MYT1L: variants seen among roughly 807,000 people sequenced by gnomAD.
MYT1L encodes myelin transcription factor 1 like, also known as myelin transcription factor 1-like protein.
Under a neutral mutation model 126.7 loss-of-function variants are expected in MYT1L, and 12 were observed. The ratio of observed to expected loss-of-function variants is 0.09; its 90% CI spans 0.06 to 0.15. The LOEUF is 0.15. Ranked by LOEUF, MYT1L falls within the 10% of genes least tolerant of loss-of-function variation. The pLI is 1.00. For synonymous variants in MYT1L, 541 were observed against 604.2 expected, an observed-to-expected ratio of 0.90 and a Z score of 1.53; for missense variants, 979 against 1,585.2, an observed-to-expected ratio of 0.62 and a Z score of 6.49.
chr2:2,131,775 T>C (rs1283207674), intron 3 of MYT1L, among the ~76,000 whole-genome samples: 1 of 152,006 alleles, frequency 6.6e-6, no homozygotes, highest in Non-Finnish European at 1.5e-5. Context: ...GGAACTCGGT[T>C]TTCCCAAGTG....
chr2:2,103,004 G>C (rs2078286831), intron 3 of MYT1L, among the ~76,000 whole-genome samples: 1 of 152,008 alleles, frequency 6.6e-6, no homozygotes. Context: ...AGGAGACACA[G>C]CATGCGTGTA....
At chr2:1,813,094 C>G (rs1308476141) in intron 21 of MYT1L, among the ~76,000 whole-genome samples, 1 of 152,164 alleles carries the variant, frequency 6.6e-6, no homozygotes, top group Non-Finnish European at 1.5e-5. Context: ...CTGAACCTCT[C>G]TGGCCTTCCG....
chr2:2,131,864 T>C (rs567649682), intron 3 of MYT1L, among the ~76,000 whole-genome samples: 6 of 151,314 alleles, frequency 4.0e-5, no homozygotes, highest in African/African-American at 7.3e-5. Flanking sequence ...AGGAGGTACA[T>C]GGTCTCTAAT....
At chr2:2,171,290 C>T (rs1379126007) in intron 3 of MYT1L, among the ~76,000 whole-genome samples, 2 of 152,222 alleles carry the variant, frequency 1.3e-5, no homozygotes, top group South Asian at 4.1e-4. Context: ...GCAAAACCAG[C>T]TTACTCTTTC....
rs2065335425 is a variant in MYT1L at position 2,024,537 on chromosome 2, C to T, written c.-157-27190G>A. On this transcript the variant is annotated intron_variant, in intron 4 of 24. Transcript: ENST00000647738. ...TTTCCTAGATTCTGTTCTTGAGCCT[C>T]TACTTTCATCCTTGGCAACTTCATT... Among the ~76,000 whole-genome samples the T allele has an allele frequency of 3.3e-5, 5 of 152,344 alleles. No individual in the cohort carries two copies. In the South Asian group the frequency reaches 1.0e-3, roughly 32 times the overall value.
At chr2:1,948,658 C>CT (rs2057458560) in intron 8 of MYT1L, among the ~76,000 whole-genome samples, 1 of 149,262 alleles carries the variant, frequency 6.7e-6, no homozygotes, top group African/African-American at 2.5e-5. Context: ...TGTGGGGGCA[C>CT]TGGTGGTGCC....
intron 2 of MYT1L, among the ~76,000 whole-genome samples, chr2:2,192,281 C>T (rs1055433248): frequency 6.6e-6 from 1 of 152,214 alleles, no homozygotes; most frequent in Non-Finnish European, 1.5e-5. Context: ...TTCCACTCCT[C>T]CCTCCACACG....
chr2:2,075,831 G>C lies in MYT1L; in HGVS notation c.-303-21708C>G, dbSNP rs185168362. 2.2e-3 allele frequency among the ~76,000 whole-genome samples: 330 copies of C among 152,358 alleles called. 1 individual carries two copies. Among genetic ancestry groups the C allele is most frequent in the South Asian group, 7.2e-3 (35 of 4,828 alleles). ...TTATTCACCCAAGAGAAACTGGAAA[G>C]TACTGGATTTTGAGATAACGATGAG... On this transcript the variant is annotated intron_variant, in intron 3 of 24. Transcript: ENST00000647738.
In MYT1L at chr2:1,848,282, CCACGGAAGCGCGAGGCA is replaced by C. The variant is rs2042763717; in HGVS notation, c.2774+3342_2774+3358del. Among the ~76,000 whole-genome samples the C allele has an allele frequency of 2.0e-5, 1 of 50,900 alleles. No individual in the cohort carries two copies. Among genetic ancestry groups the C allele is most frequent in the South Asian group, 5.1e-4 (1 of 1,948 alleles). 33.4% of individuals were successfully genotyped at this position (50,900 alleles called of 152,430 possible). On this transcript the variant is annotated intron_variant, in intron 19 of 24. Transcript: ENST00000647738. This position sits in a 1 kb window ranked among gnomAD's most constrained non-coding sequence, Gnocchi z 4.8. ...AGCAGGAGGGAGAATTCTACAGACA[CCACGGAAGCGCGAGGCA>C]TTTGTCCTGGGAGCAGGAGGAAGAA...
intron 18 of MYT1L, among the ~76,000 whole-genome samples, chr2:1,861,658 C>T (rs1343970539): frequency 1.8e-5 from 1 of 54,074 alleles, no homozygotes; most frequent in East Asian, 7.1e-4. Flanking sequence ...CTTCCTACAG[C>T]CTGTGTAATC....
intron 14 of MYT1L, among the ~76,000 whole-genome samples, chr2:1,898,641 C>T (rs1211787539): frequency 3.9e-5 from 6 of 152,184 alleles, no homozygotes; most frequent in Non-Finnish European, 5.9e-5. Flanking sequence ...CAGGTGGTAC[C>T]CAAGAGGTGA....
At chr2:1,970,561 G>T (rs1247835219) in intron 8 of MYT1L, among the ~76,000 whole-genome samples, 1 of 152,218 alleles carries the variant, frequency 6.6e-6, no homozygotes, top group Admixed American at 6.5e-5. Context: ...GTCGGCAGAG[G>T]CTCCAGGCAC....
chr2:2,296,916 C>T (rs2095703672), intron 1 of MYT1L, among the ~76,000 whole-genome samples: 1 of 152,182 alleles, frequency 6.6e-6, no homozygotes, highest in African/African-American at 2.4e-5. Context: ...GCACAGAAAA[C>T]AAATGATGCT....
At chr2:1,804,318 C>T (rs571666253) in intron 22 of MYT1L, among the ~76,000 whole-genome samples, 2 of 152,260 alleles carry the variant, frequency 1.3e-5, no homozygotes, top group African/African-American at 4.8e-5. Flanking sequence ...GATGGGGTTT[C>T]ACCATGTTGG....
intron 21 of MYT1L, among the ~76,000 whole-genome samples, chr2:1,829,440 C>T (rs112142159): frequency 0.069 from 15 of 218 alleles, 3 homozygotes; most frequent in East Asian, 0.25. Context: ...CACCTGTGAA[C>T]TGACCCTCCC....
intron 3 of MYT1L, among the ~76,000 whole-genome samples, chr2:2,122,137 T>C (rs1458250568): frequency 6.6e-6 from 1 of 152,234 alleles, no homozygotes; most frequent in Non-Finnish European, 1.5e-5. Context: ...TGACTAGCAA[T>C]GCCGTGCAGT....
intron 3 of MYT1L, among the ~76,000 whole-genome samples, chr2:2,072,421 G>A (rs2074710244): frequency 6.6e-6 from 1 of 152,166 alleles, no homozygotes; most frequent in South Asian, 2.1e-4. Flanking sequence ...TAAGACCTGA[G>A]CAAATTATTA....
chr2:1,789,371 CTTAAA>C lies in MYT1L; in HGVS notation c.*2491_*2495del, dbSNP rs946753052. On this transcript the variant is annotated 3_prime_UTR_variant, in exon 25 of 25. Transcript: ENST00000647738. ...AAAATTCTGTCTTAATAAATGATTA[CTTAAA>C]TTAACTTAGAAATGAATATGAACAA... is the stretch of plus-strand genomic sequence containing the variant. 9.9e-5 allele frequency: 15 copies of C among 152,080 alleles called. No individual in the cohort carries two copies. Among genetic ancestry groups the C allele is most frequent in the African/African-American group, 1.4e-4 (6 of 41,388 alleles). The allele number at this position is 152,080 out of a possible 1,614,324, so 9.4% of individuals were successfully genotyped here.
At chr2:2,306,415 G>A (rs2095859861) in intron 1 of MYT1L, among the ~76,000 whole-genome samples, 1 of 152,116 alleles carries the variant, frequency 6.6e-6, no homozygotes, top group African/African-American at 2.4e-5. Flanking sequence ...GAATCCCAAG[G>A]TTTTCAAATA....
Sources: gnomAD v4.1 joint callset for allele counts (sites outside exome capture counted in the v4.1 genomes callset) on GRCh38, gnomAD v4.1.1 for gene constraint, Gnocchi (gnomAD v3.1) non-coding constraint, MANE v1.5 for transcripts, NCBI Gene and HGNC (gene_info 2026-07-23, HGNC 2026-07-21) for gene names.